DIAPH2: variants seen among roughly 807,000 people sequenced by gnomAD.
DIAPH2 encodes the protein diaphanous related formin 2.
In DIAPH2, 35 loss-of-function variants were observed where a neutral mutation model predicts 92.7. The observed-to-expected ratio is 0.38, with a 90% CI of 0.29 to 0.50. DIAPH2 has a LOEUF of 0.50. Among genes scored for constraint, DIAPH2 ranks in the 20% least tolerant of loss-of-function variants. The pLI is 0.94. For missense variants in DIAPH2, 701 were observed against 819.5 expected (o/e 0.86, Z 1.77); for synonymous variants, 301 against 280.4 (o/e 1.07, Z -0.73).
At chrX:96,882,086 T>C (rs922151387) in intron 5 of DIAPH2, among the ~76,000 whole-genome samples, 1 of 109,962 alleles carries the variant, frequency 9.1e-6, no homozygotes, top group African/African-American at 3.3e-5. Context: ...AGTCTTGCTC[T>C]GTTGCCCAGG....
intron 23 of DIAPH2, among the ~76,000 whole-genome samples, chrX:97,268,627 C>T (rs2068358045): frequency 8.9e-6 from 1 of 111,853 alleles, no homozygotes; most frequent in Non-Finnish European, 1.9e-5. Context: ...TAGGGAAAGT[C>T]ATTTGCCACA....
At chrX:96,757,713 A>G (rs185174747) in intron 3 of DIAPH2, among the ~76,000 whole-genome samples, 6 of 111,541 alleles carry the variant, frequency 5.4e-5, no homozygotes, top group Admixed American at 9.5e-5. Context: ...GACATATTAT[A>G]GATATATAGA....
intron 17 of DIAPH2, among the ~76,000 whole-genome samples, chrX:96,966,686 A>G (rs1569437692): frequency 8.9e-6 from 1 of 111,944 alleles, no homozygotes; most frequent in Non-Finnish European, 1.9e-5. Context: ...TCCCATATCA[A>G]TGGCTATTTA....
intron 4 of DIAPH2, among the ~76,000 whole-genome samples, chrX:96,821,983 T>C (rs1021734882): frequency 8.9e-6 from 1 of 112,064 alleles, no homozygotes; most frequent in Non-Finnish European, 1.9e-5. Flanking sequence ...CAAAATTCCA[T>C]ATGTCTGCTT....
chrX:97,569,610 G>A (rs776145924), intron 26 of DIAPH2, among the ~76,000 whole-genome samples: 8 of 110,535 alleles, frequency 7.2e-5, no homozygotes, highest in East Asian at 2.8e-4. Flanking sequence ...TATAGGATCC[G>A]GTGAACTTTT....
chrX:97,381,411 T>C (rs1430348485), intron 24 of DIAPH2, among the ~76,000 whole-genome samples: 2 of 111,854 alleles, frequency 1.8e-5, no homozygotes, highest in African/African-American at 6.5e-5. Flanking sequence ...GAAATGAAAA[T>C]ATAGGATTCC....
At chrX:96,689,986 G>A (rs1355792535) in intron 1 of DIAPH2, among the ~76,000 whole-genome samples, 2 of 105,016 alleles carry the variant, frequency 1.9e-5, no homozygotes, top group African/African-American at 6.8e-5. Context: ...ATTTGTATGT[G>A]CCTTTTTTTT....
At chrX:96,875,771 A>T (rs1406288635) in intron 4 of DIAPH2, among the ~76,000 whole-genome samples, 1 of 111,297 alleles carries the variant, frequency 9.0e-6, no homozygotes, top group Non-Finnish European at 1.9e-5. Context: ...AAAATAAATT[A>T]AAAAAAGACT....
chrX:96,928,450 A>T (rs766970923), intron 9 of DIAPH2, among the ~76,000 whole-genome samples: 48 of 111,450 alleles, frequency 4.3e-4, no homozygotes, highest in Non-Finnish European at 7.6e-4. Flanking sequence ...TTGTATTTGT[A>T]AATAGTGACA....
rs149844313 is a variant in DIAPH2 at position 97,392,367 on chromosome X, C to T, written c.3145+8323C>T. 2.9e-3 allele frequency among the ~76,000 whole-genome samples: 326 copies of T among 111,464 alleles called. 1 individual carries two copies. Among genetic ancestry groups the T allele is most frequent in the African/African-American group, 8.6e-3 (263 of 30,722 alleles). ...TAAAAACTCAAGAAATAGTCTCCACCCTTAAGAAGTTTTCATTTTTGTCAG... is the reference window on the plus strand; with the variant it reads ...TAAAAACTCAAGAAATAGTCTCCACTCTTAAGAAGTTTTCATTTTTGTCAG... On this transcript the variant is annotated intron_variant, in intron 25 of 26. Transcript: ENST00000324765.
intron 17 of DIAPH2, among the ~76,000 whole-genome samples, chrX:97,060,087 C>T (rs1313476493): frequency 8.9e-6 from 1 of 112,551 alleles, no homozygotes; most frequent in East Asian, 2.8e-4. Flanking sequence ...TATTTACTTC[C>T]TGCTCTGTCT....
intron 1 of DIAPH2, among the ~76,000 whole-genome samples, chrX:96,733,285 T>A (rs903437530): frequency 2.7e-5 from 3 of 111,970 alleles, no homozygotes; most frequent in Non-Finnish European, 3.8e-5. Flanking sequence ...GGGAGGCAGA[T>A]GTTTCCATTT....
intron 18 of DIAPH2, among the ~76,000 whole-genome samples, chrX:97,074,309 G>A (rs2066690082): frequency 9.0e-6 from 1 of 111,315 alleles, no homozygotes; most frequent in Admixed American, 9.6e-5. Flanking sequence ...GGGAGGCTGA[G>A]GCACGAGAAT....
At chrX:97,532,311 T>C (rs948988163) in intron 26 of DIAPH2, among the ~76,000 whole-genome samples, 3 of 113,291 alleles carry the variant, frequency 2.6e-5, no homozygotes, top group Non-Finnish European at 5.6e-5. Flanking sequence ...ATAATATTTC[T>C]GAAAAGCTAG....
intron 17 of DIAPH2, among the ~76,000 whole-genome samples, chrX:96,984,449 C>T (rs1463400368): frequency 9.1e-6 from 1 of 110,475 alleles, no homozygotes; most frequent in Non-Finnish European, 1.9e-5. Context: ...CCAGTTATCT[C>T]GTATTGAATT....
intron 23 of DIAPH2, among the ~76,000 whole-genome samples, chrX:97,253,496 C>G (rs2068208346): frequency 9.2e-6 from 1 of 109,157 alleles, no homozygotes; most frequent in South Asian, 4.0e-4. Flanking sequence ...GCCTGTAATT[C>G]CAGCACTTTG....
intron 26 of DIAPH2, among the ~76,000 whole-genome samples, chrX:97,482,354 G>C (rs759738162): frequency 8.9e-6 from 1 of 112,656 alleles, no homozygotes; most frequent in South Asian, 3.6e-4. Context: ...ATTTTAAACA[G>C]CCCGAATGAA....
intron 26 of DIAPH2, among the ~76,000 whole-genome samples, chrX:97,569,352 A>T (rs1409326398): frequency 1.8e-5 from 2 of 111,925 alleles, no homozygotes; most frequent in East Asian, 5.6e-4. Flanking sequence ...ACTATGTCTT[A>T]TACCTTTTAA....
At chrX:96,931,973 A>G (rs898441530) in intron 10 of DIAPH2, among the ~76,000 whole-genome samples, 7 of 111,301 alleles carry the variant, frequency 6.3e-5, no homozygotes, top group African/African-American at 2.3e-4. Flanking sequence ...ACCCATCTAG[A>G]GATTAACTGT....
Sources: gnomAD v4.1 joint callset for allele counts (sites outside exome capture counted in the v4.1 genomes callset) on GRCh38, gnomAD v4.1.1 for gene constraint, MANE v1.5 for transcripts, NCBI Gene and HGNC (gene_info 2026-07-23, HGNC 2026-07-21) for gene names.